Variants in NECTIN1 observed in about 807,000 individuals in gnomAD.
The protein encoded by NECTIN1 is nectin cell adhesion molecule 1, also known as nectin-1.
Under a neutral mutation model 48.0 loss-of-function variants are expected in NECTIN1, and 23 were observed. The ratio of observed to expected loss-of-function variants is 0.48; its 90% CI spans 0.34 to 0.68. NECTIN1 has a LOEUF of 0.68. Ranked by LOEUF, NECTIN1 falls within the 30% of genes least tolerant of loss-of-function variation. The pLI is 0.01. For synonymous variants in NECTIN1, 270 were observed against 288.9 expected, an observed-to-expected ratio of 0.93 and a Z score of 0.66; for missense variants, 591 against 709.9, an observed-to-expected ratio of 0.83 and a Z score of 1.90.
At chr11:119,714,796 C>T (rs1259281224) in intron 1 of NECTIN1, among the ~76,000 whole-genome samples, 3 of 151,972 alleles carry the variant, frequency 2.0e-5, no homozygotes, top group Admixed American at 2.0e-4. Context: ...GGTGGGGAAG[C>T]TTGGAGGGCC....
intron 1 of NECTIN1, among the ~76,000 whole-genome samples, chr11:119,689,929 A>C (rs1288119581): frequency 6.6e-6 from 1 of 152,270 alleles, no homozygotes; most frequent in Admixed American, 6.5e-5. Flanking sequence ...ATAGGCACCA[A>C]ACCTGCTATT....
At chr11:119,711,760 G>A (rs1027411507) in intron 1 of NECTIN1, among the ~76,000 whole-genome samples, 1 of 152,220 alleles carries the variant, frequency 6.6e-6, no homozygotes, top group African/African-American at 2.4e-5. Context: ...GTAAAGTTGT[G>A]GGAGTGTAGA....
At chr11:119,682,849 C>T (rs913927035) in intron 1 of NECTIN1, among the ~76,000 whole-genome samples, 10 of 152,198 alleles carry the variant, frequency 6.6e-5, no homozygotes. Flanking sequence ...CCATACTGGA[C>T]ACTGTAGGGA....
intron 1 of NECTIN1, among the ~76,000 whole-genome samples, chr11:119,685,797 C>T (rs1041004179): frequency 2.0e-5 from 3 of 152,252 alleles, no homozygotes; most frequent in Non-Finnish European, 2.9e-5. Context: ...CTCACCTGGA[C>T]ACTGAGAGAG....
rs117367432 is a variant in NECTIN1, at chr11:119,667,721, C to T, written c.1004-2424G>A. On this transcript the variant is annotated intron_variant, in intron 5 of 5. Transcript: ENST00000264025. ...TCTCTGTTCCAGCTGTCTCGCTGGA[C>T]GCTTTGTCCTGGGACCCTCAGCCTT... Among the ~76,000 whole-genome samples the T allele has an allele frequency of 2.4e-3, 371 of 152,340 alleles. 7 individuals carry two copies. The East Asian group carries it at 0.045, about 18-fold the overall frequency.
At position 119,727,683 on chromosome 11, in the gene NECTIN1, C is replaced by A. The variant is rs919529444; in HGVS notation, c.79+792G>T. Among the ~76,000 whole-genome samples the A allele has an allele frequency of 1.6e-4, 25 of 152,178 alleles. No individual in the cohort carries two copies. The highest frequency in any genetic ancestry group is 6.5e-5 in the Admixed American group (1 of 15,276). On this transcript the variant is annotated intron_variant, in intron 1 of 5. Coordinates refer to ENST00000264025, the MANE Select transcript of NECTIN1 (RefSeq NM_002855.5). This position sits in a 1 kb window ranked among gnomAD's most constrained non-coding sequence, Gnocchi z 4.1. ...CCACCAGGGCCACCCCGGGGTCGGG[C>A]GCGAGGTTAACCCCTCGGCTGCCGG...
At chr11:119,648,784 A>G (rs1270037263) in intron 5 of NECTIN1, among the ~76,000 whole-genome samples, 2 of 151,864 alleles carry the variant, frequency 1.3e-5, no homozygotes, top group African/African-American at 4.8e-5. Context: ...TGGCCACTGC[A>G]CAGGGACTCC....
intron 1 of NECTIN1, among the ~76,000 whole-genome samples, chr11:119,708,602 G>C (rs1349314156): frequency 6.6e-5 from 10 of 150,672 alleles, no homozygotes; most frequent in African/African-American, 2.5e-4. Context: ...ATGAGTGGTT[G>C]TCAGGGGCCG....
intron 5 of NECTIN1, among the ~76,000 whole-genome samples, chr11:119,643,425 T>C (rs534374272): frequency 1.8e-4 from 28 of 152,350 alleles, no homozygotes; most frequent in African/African-American, 6.7e-4. Context: ...AAGTAATTCG[T>C]TCAGGATCGT....
At chr11:119,639,814 C>T in intron 6 of NECTIN1, 1 of 1,612,914 alleles carries the variant, frequency 6.2e-7, no homozygotes, top group South Asian at 1.1e-5. Flanking sequence ...TCCCAGGGTG[C>T]TGGGGAGCAG....
At chr11:119,687,894 G>C (rs1470273452) in intron 1 of NECTIN1, among the ~76,000 whole-genome samples, 1 of 152,214 alleles carries the variant, frequency 6.6e-6, no homozygotes, top group African/African-American at 2.4e-5. Context: ...TGGCCGGGGG[G>C]GTGAGTGGAA....
chr11:119,657,739 AAATAAT>A (rs57059976), downstream of NECTIN1, among the ~76,000 whole-genome samples: 123 of 128,286 alleles, frequency 9.6e-4, 1 homozygote, highest in South Asian at 0.012. Flanking sequence ...TGTCTCTATA[AAATAAT>A]AATAATAATA....
At chr11:119,668,875 A>G (rs994857633) in intron 5 of NECTIN1, among the ~76,000 whole-genome samples, 2 of 152,210 alleles carry the variant, frequency 1.3e-5, no homozygotes, top group African/African-American at 4.8e-5. Flanking sequence ...AGGAAGTGGC[A>G]GCCTCATGAT....
chr11:119,654,783 C>A (rs956157249), intron 5 of NECTIN1, among the ~76,000 whole-genome samples: 16 of 152,016 alleles, frequency 1.1e-4, no homozygotes, highest in Non-Finnish European at 1.8e-4. Context: ...ATTGGCCAGG[C>A]TGGTCTCAAA....
chr11:119,712,022 C>T (rs568395320), intron 1 of NECTIN1, among the ~76,000 whole-genome samples: 231 of 152,220 alleles, frequency 1.5e-3, no homozygotes, highest in African/African-American at 5.2e-3. Context: ...GCCAGGGCTC[C>T]GGTGCACAGC....
intron 1 of NECTIN1, among the ~76,000 whole-genome samples, chr11:119,695,092 C>T (rs74334462): frequency 0.031 from 4,678 of 152,238 alleles, 136 homozygotes; most frequent in African/African-American, 0.075. Context: ...GTTAGGTAAT[C>T]CGTCTCCCCA....
At chr11:119,689,274 G>T (rs925755456) in intron 1 of NECTIN1, among the ~76,000 whole-genome samples, 3 of 152,168 alleles carry the variant, frequency 2.0e-5, no homozygotes, top group South Asian at 4.1e-4. Flanking sequence ...AACATAGGAG[G>T]GCCTGATTGC....
rs1350361631 is a variant in NECTIN1 at position 119,677,724 on chromosome 11, C to A, written c.564G>T (p.Arg188=). The part of the protein sequence containing the change: ...KPPSVVSWET[R]LKGEAEYQEI... ...CCTGGTACTCTGCCTCACCTTTTAA[C>A]CGAGTTTCCCAGGATACCACACTGG... The change falls in exon 3 of 6, where the codon CGG becomes CGT. Residue 188 remains arginine (R), a synonymous_variant. Coordinates refer to ENST00000264025, the MANE Select transcript of NECTIN1 (RefSeq NM_002855.5). This position sits in a 1 kb window ranked among gnomAD's most constrained non-coding sequence, Gnocchi z 5.4. 6.2e-7 allele frequency: 1 copy of A among 1,614,148 alleles called. No individual in the cohort carries two copies. Among genetic ancestry groups the A allele is most frequent in the South Asian group, 1.1e-5 (1 of 91,078 alleles).
intron 5 of NECTIN1, among the ~76,000 whole-genome samples, chr11:119,645,470 T>C (rs1864385415): frequency 6.6e-6 from 1 of 152,162 alleles, no homozygotes; most frequent in Admixed American, 6.5e-5. Context: ...TCTGACTTCA[T>C]AGGCTGGAGC....
Sources: allele counts gnomAD v4.1 joint callset (sites outside exome capture counted in the v4.1 genomes callset), GRCh38; gene constraint gnomAD v4.1.1; non-coding constraint Gnocchi (gnomAD v3.1); transcripts MANE v1.5; gene names NCBI Gene and HGNC (gene_info 2026-07-23, HGNC 2026-07-21).